The following DOCK1 variants were observed in gnomAD, a reference collection of about 807,000 sequenced individuals.
The protein encoded by DOCK1 is dedicator of cytokinesis protein 1.
Under a neutral mutation model 262.7 loss-of-function variants are expected in DOCK1, and 138 were observed. The observed-to-expected ratio is 0.53, with a 90% CI of 0.46 to 0.61. The LOEUF is 0.61. Among genes scored for constraint, DOCK1 ranks in the 20% least tolerant of loss-of-function variants. The probability of loss-of-function intolerance (pLI) is 0.00; values close to 1 mark genes in which losing one functional copy is unlikely to be tolerated. For synonymous variants in DOCK1, 866 were observed against 867.4 expected, an observed-to-expected ratio of 1.00 and a Z score of 0.03; for missense variants, 1,908 against 2,370.7, an observed-to-expected ratio of 0.80 and a Z score of 4.05.
At chr10:127,351,590 T>A (rs1467710118) in intron 31 of DOCK1, among the ~76,000 whole-genome samples, 2 of 152,128 alleles carry the variant, frequency 1.3e-5, no homozygotes, top group Admixed American at 1.3e-4. Flanking sequence ...GTATGACTAG[T>A]GCAGTCCCCT....
intron 33 of DOCK1, among the ~76,000 whole-genome samples, chr10:127,362,588 T>C (rs570940449): frequency 1.3e-5 from 2 of 152,334 alleles, no homozygotes; most frequent in South Asian, 4.1e-4. Flanking sequence ...ATTGTGGTAT[T>C]TTGAAAGCTA....
chr10:127,082,943 G>A (rs958477141), intron 23 of DOCK1, among the ~76,000 whole-genome samples: 1 of 152,134 alleles, frequency 6.6e-6, no homozygotes, highest in South Asian at 2.1e-4. Flanking sequence ...TTTCTCCTTG[G>A]AAGGCCTGTT....
At chr10:126,987,337 C>G (rs909777739) in intron 4 of DOCK1, among the ~76,000 whole-genome samples, 184 bp from the exon 5 acceptor site, 4 of 152,152 alleles carry the variant, frequency 2.6e-5, no homozygotes, top group Non-Finnish European at 5.9e-5. Context: ...AAGCTCTGTA[C>G]AAATATAACT....
At position 127,439,339 on chromosome 10, in the gene DOCK1, G is replaced by A. The variant is rs1290177174; in HGVS notation, c.5259+114G>A. ...CTCTTATTGAACTTGTTATAAATTA[G>A]CAACTCAGAAACCTGGGGTCCTCCT... On this transcript the variant is annotated intron_variant, in intron 49 of 51. Transcript: ENST00000623213. 2.1e-5 allele frequency: 24 copies of A among 1,150,522 alleles called. 1 individual carries two copies. The South Asian group carries it at 3.4e-4, about 16-fold the overall frequency. 71.3% of individuals were successfully genotyped at this position (1,150,522 alleles called of 1,614,324 possible).
chr10:127,250,603 C>A (rs535322167), intron 28 of DOCK1, among the ~76,000 whole-genome samples: 42 of 151,870 alleles, frequency 2.8e-4, no homozygotes, highest in African/African-American at 9.7e-4. Flanking sequence ...ACAACCTGGC[C>A]AACATGGCAA....
chr10:127,441,819 GCAT>G (rs990051077), intron 49 of DOCK1, among the ~76,000 whole-genome samples: 9 of 150,734 alleles, frequency 6.0e-5, no homozygotes, highest in African/African-American at 2.2e-4. Flanking sequence ...TACTTGATTT[GCAT>G]CATCAACAAT....
In DOCK1 at chr10:127,300,554, C is replaced by T. The variant is rs140579092; in HGVS notation, c.3045-38452C>T. The stretch of plus-strand genomic sequence containing the variant: ...GGCCACAAAAATAGAAAAGAGATAT[C>T]GCCCTCCCTTTTATAGCACAAATGT... On this transcript the variant is annotated intron_variant, in intron 29 of 51. Transcript: ENST00000623213. Among the ~76,000 whole-genome samples, 24 of 152,340 alleles carry T rather than the reference C, an allele frequency of 1.6e-4. No individual in the cohort carries two copies. In the East Asian group the frequency reaches 4.4e-3, roughly 28 times the overall value.
chr10:127,155,811 G>A (rs553237480), intron 27 of DOCK1, among the ~76,000 whole-genome samples: 1 of 152,304 alleles, frequency 6.6e-6, no homozygotes, highest in East Asian at 1.9e-4. Flanking sequence ...TAAGCTCAGT[G>A]CTGACCAAGG....
At chr10:126,960,741 TATATACACAC>T (rs2037132004) in intron 1 of DOCK1, among the ~76,000 whole-genome samples, 1 of 140,940 alleles carries the variant, frequency 7.1e-6, no homozygotes, top group African/African-American at 2.9e-5. Flanking sequence ...TATATATATA[TATATACACAC>T]ACACACACAC....
At chr10:127,221,044 G>A (rs1302987273) in intron 27 of DOCK1, among the ~76,000 whole-genome samples, 1 of 152,104 alleles carries the variant, frequency 6.6e-6, no homozygotes, top group African/African-American at 2.4e-5. Flanking sequence ...AAACCTGTTG[G>A]TACCATTGGT....
At chr10:127,421,802 C>T (rs1008539896) in intron 46 of DOCK1, among the ~76,000 whole-genome samples, 4 of 152,204 alleles carry the variant, frequency 2.6e-5, no homozygotes, top group Non-Finnish European at 5.9e-5. Flanking sequence ...TGTGTCAGAA[C>T]TTCATTCCTT....
chr10:127,031,530 A>G (rs1023337445), intron 16 of DOCK1, 120 bp from the exon 17 acceptor site: 2 of 714,018 alleles, frequency 2.8e-6, no homozygotes, highest in Admixed American at 3.0e-5. Flanking sequence ...ATTAGCTTTA[A>G]TACCTGTTTG....
intron 49 of DOCK1, among the ~76,000 whole-genome samples, chr10:127,439,775 G>T (rs1449523437): frequency 6.6e-6 from 1 of 152,094 alleles, no homozygotes; most frequent in East Asian, 1.9e-4. Flanking sequence ...CTTTCACAAG[G>T]ACTTAACAGG....
At chr10:127,271,401 T>G (rs1461781665) in intron 29 of DOCK1, among the ~76,000 whole-genome samples, 1 of 152,248 alleles carries the variant, frequency 6.6e-6, no homozygotes, top group Non-Finnish European at 1.5e-5. Flanking sequence ...TTTCTCCATC[T>G]TCAAGAAAGC....
intron 23 of DOCK1, among the ~76,000 whole-genome samples, chr10:127,070,604 G>A (rs1241324370): frequency 6.6e-6 from 1 of 151,846 alleles, no homozygotes; most frequent in African/African-American, 2.4e-5. Context: ...CGTCATCGTG[G>A]ACGTCAGTGT....
At chr10:126,950,535 C>A in intron 1 of DOCK1, among the ~76,000 whole-genome samples, 1 of 152,244 alleles carries the variant, frequency 6.6e-6, no homozygotes, top group East Asian at 1.9e-4. Flanking sequence ...AGAATTGTCA[C>A]TGTCCCTTTG....
chr10:127,389,962 C>T (rs567759855), intron 38 of DOCK1, among the ~76,000 whole-genome samples: 104 of 150,776 alleles, frequency 6.9e-4, no homozygotes, highest in African/African-American at 2.3e-3. Flanking sequence ...TGCAGTGAGC[C>T]GAGATTGAGC....
chr10:126,905,888 C>A (rs1458846067), intron 1 of DOCK1, among the ~76,000 whole-genome samples: 1 of 152,060 alleles, frequency 6.6e-6, no homozygotes, highest in African/African-American at 2.4e-5. Flanking sequence ...CCGGGCTACC[C>A]CCAACTCCCC....
chr10:127,203,005 A>G (rs1187941917), intron 27 of DOCK1, among the ~76,000 whole-genome samples: 1 of 152,214 alleles, frequency 6.6e-6, no homozygotes, highest in Non-Finnish European at 1.5e-5. Flanking sequence ...GCCGTCCCTC[A>G]TTATCTCACT....
Sources: gnomAD v4.1 joint callset for allele counts (sites outside exome capture counted in the v4.1 genomes callset) on GRCh38, gnomAD v4.1.1 for gene constraint, MANE v1.5 for transcripts, NCBI Gene and HGNC (gene_info 2026-07-23, HGNC 2026-07-21) for gene names.